The following STAT2 variants were observed in gnomAD, a reference collection of about 807,000 sequenced individuals.
STAT2 encodes the protein signal transducer and activator of transcription 2, also known as interferon alpha induced transcriptional activator.
In STAT2, 51 loss-of-function variants were observed where a neutral mutation model predicts 122.3. That is an observed-to-expected ratio of 0.42 (90% CI 0.33 to 0.53). The LOEUF is 0.53. Among genes scored for constraint, STAT2 ranks in the 20% least tolerant of loss-of-function variants. The pLI, the probability that STAT2 is intolerant of heterozygous loss-of-function variation, is 0.10. For synonymous variants in STAT2, 351 were observed against 394.9 expected (o/e 0.89, Z 1.32); for missense variants, 736 against 1,010.3 (o/e 0.73, Z 3.68).
Position 56,343,480 on chromosome 12 carries a change from A to G in STAT2, c.2465T>C (p.Leu822Pro), listed in dbSNP as rs1876874430. 4.3e-6 allele frequency: 7 copies of G among 1,614,214 alleles called. No homozygotes were observed. The highest frequency in any genetic ancestry group is 5.9e-6 in the Non-Finnish European group (7 of 1,180,030). Residue 822 changes from leucine to proline, a missense_variant, in exon 24 of 24, where the codon CTG becomes CCG. Coordinates refer to ENST00000314128, the MANE Select transcript of STAT2 (RefSeq NM_005419.4). Reference protein sequence around the residue: ...IEEIMPNGDPLLAGQNTVDEV... With the variant: ...IEEIMPNGDPPLAGQNTVDEV... ...ATCCACGGTGTTCTGGCCAGCCAAC[A>G]GTGGGTCACCATTCGGCATGATTTC...
Position 56,348,545 on chromosome 12 carries a change from C to T in STAT2, c.1708G>A (p.Asp570Asn), listed in dbSNP as rs1054332968. Residue 570 changes from aspartate (D) to asparagine (N), a missense_variant, in exon 19 of 24, where the codon GAT becomes AAT. Asp to Asn is a conservative substitution (Grantham distance 23, BLOSUM62 1). Coordinates refer to ENST00000314128, the MANE Select transcript of STAT2 (RefSeq NM_005419.4). ...AGGCCTTACCCATCATTCCAGAGAT[C>T]CTTCAGGTGGTCATGTACCAACTCC... Reference protein sequence around the residue: ...ILELVHDHLKDLWNDGRIMGF... With the variant: ...ILELVHDHLKNLWNDGRIMGF... 1 of 1,614,148 alleles carries T rather than the reference C, an allele frequency of 6.2e-7. No homozygotes were observed.
At chr12:56,347,169 A>C (rs1381622881) in intron 19 of STAT2, among the ~76,000 whole-genome samples, 1 of 152,020 alleles carries the variant, frequency 6.6e-6, no homozygotes, top group Non-Finnish European at 1.5e-5. Flanking sequence ...AGATTCAGTG[A>C]GATCACACAG....
intron 22 of STAT2, 87 bp from the exon 23 acceptor site, chr12:56,344,222 AAGG>A: frequency 6.8e-7 from 1 of 1,472,050 alleles, no homozygotes; most frequent in Non-Finnish European, 9.0e-7. Context: ...CTAGTCTAAG[AAGG>A]CAGTAGGGCG....
Position 56,356,148 on chromosome 12 carries a change from A to G in STAT2, c.269T>C (p.Phe90Ser), listed in dbSNP as rs189335310. 9.3e-6 allele frequency: 15 copies of G among 1,614,120 alleles called. No homozygotes were observed. In the East Asian group the frequency reaches 3.3e-4, roughly 36 times the overall value. ...SLLLQHNLRK[F>S]CRDIQPFSQD... ...TCCAAGTACCTGAATGTCCCGGCAG[A>G]ATTTCCGCAAATTGTGCTGCAGCAA... is the stretch of plus-strand genomic sequence containing the variant. The change falls in exon 3 of 24, where the codon TTC becomes TCC. Residue 90 changes from phenylalanine (F) to serine (S), a missense_variant. Phe to Ser is a radical substitution (Grantham distance 155). Coordinates refer to ENST00000314128, the MANE Select transcript of STAT2 (RefSeq NM_005419.4).
rs889978964 is a variant in STAT2 at position 56,343,103 on chromosome 12, C to G, written c.*286G>C. 9.2e-6 allele frequency: 3 copies of G among 327,522 alleles called. No individual in the cohort carries two copies. The highest frequency in any genetic ancestry group is 1.7e-5 in the Non-Finnish European group (3 of 178,816). The allele number at this position is 327,522 out of a possible 1,614,324, so 20.3% of individuals were successfully genotyped here. A position where few individuals can be genotyped will look rare whatever the true frequency, so the allele number is the denominator to read the frequency against. The stretch of plus-strand genomic sequence containing the variant: ...CCTGAGCCCTCCAAGTACCTGTCAA[C>G]TGCCCTGGCCTGCCCCCAGGACCCC... On this transcript the variant is annotated 3_prime_UTR_variant, in exon 24 of 24. Coordinates refer to ENST00000314128, the MANE Select transcript of STAT2 (RefSeq NM_005419.4).
chr12:56,343,930 C>T lies in STAT2; in HGVS notation c.2308G>A (p.Val770Ile). 6.2e-7 allele frequency: 1 copy of T among 1,614,146 alleles called. No individual in the cohort carries two copies. The highest frequency in any genetic ancestry group is 8.5e-7 in the Non-Finnish European group (1 of 1,180,020). Residue 770 changes from valine to isoleucine, a missense_variant, in exon 23 of 24, where the codon GTA (valine) becomes ATA (isoleucine). Val to Ile is a conservative substitution (Grantham distance 29). Transcript: ENST00000314128. ...EPVIEPTLCM[V>I]SQTVPEPDQG... ...TCTGGCTCTGGCACTGTTTGTGATACCATGCATAGTGTGGGCTCTATCACA... is the reference window on the plus strand; with the variant it reads ...TCTGGCTCTGGCACTGTTTGTGATATCATGCATAGTGTGGGCTCTATCACA...
At position 56,345,518 on chromosome 12, in the gene STAT2, A is replaced by ATATATATATATATAT. The variant is rs1302088781; in HGVS notation, c.2102+627_2102+628insATATATATATATATA. ...CTCAAAAAAAAAAAAAAAAAAAAAAAAAAAAAATATATATATATGCGGGGT... is the reference window on the plus strand; with the variant it reads ...CTCAAAAAAAAAAAAAAAAAAAAAAATATATATATATATATAAAAAAATATATATATATGCGGGGT... On this transcript the variant is annotated intron_variant, in intron 22 of 23. Coordinates refer to ENST00000314128, the MANE Select transcript of STAT2 (RefSeq NM_005419.4). Among the ~76,000 whole-genome samples, 21 of 25,424 alleles carry ATATATATATATATAT rather than the reference A, an allele frequency of 8.3e-4. 1 individual carries two copies. In the African/African-American group the frequency reaches 0.01, roughly 12 times the overall value. 16.7% of individuals were successfully genotyped at this position (25,424 alleles called of 152,430 possible).
At position 56,345,007 on chromosome 12, in the gene STAT2, C is replaced by CA. The variant is rs111914426; in HGVS notation, c.2103-873dup. ...TGGGCAACAGGGCGAGACTCTGTCT[C>CA]AAAAAAAAAACAAAAATTAACCAGG... On this transcript the variant is annotated intron_variant, in intron 22 of 23. Coordinates refer to ENST00000314128, the MANE Select transcript of STAT2 (RefSeq NM_005419.4). 5.2e-4 allele frequency among the ~76,000 whole-genome samples: 65 copies of CA among 125,656 alleles called. 3 individuals carry two copies. The East Asian group carries it at 5.5e-3, about 11-fold the overall frequency. 82.4% of individuals were successfully genotyped at this position (125,656 alleles called of 152,430 possible). A position where few individuals can be genotyped will look rare whatever the true frequency, so the allele number is the denominator to read the frequency against.
chr12:56,349,932 T>C, intron 13 of STAT2, 165 bp downstream of exon 13: 1 of 684,320 alleles, frequency 1.5e-6, no homozygotes. Context: ...GCCTATAGTC[T>C]CAGCTACTCA....
At chr12:56,350,799 C>T (rs773667387) in intron 11 of STAT2, 30 bp downstream of exon 11, 69 of 1,613,096 alleles carry the variant, frequency 4.3e-5, no homozygotes, top group Non-Finnish European at 5.4e-5. Context: ...CAGCCCGTGT[C>T]CTGGCCACCC....
In STAT2 at chr12:56,351,082, G is replaced by A. The variant is rs952626289; in HGVS notation, c.1034+16C>T. 1.2e-6 allele frequency: 2 copies of A among 1,612,466 alleles called. No homozygotes were observed. The highest frequency in any genetic ancestry group is 1.7e-6 in the Non-Finnish European group (2 of 1,178,912). On this transcript the variant is annotated intron_variant, in intron 10 of 23. Coordinates refer to ENST00000314128, the MANE Select transcript of STAT2 (RefSeq NM_005419.4). ...GGTTGGAAAAAGGAAGTGGGAATGA[G>A]TTCTGGAATGCCAACCTTGTTCGGA...
rs773327366 is a variant in STAT2, at chr12:56,349,249, G to C, written c.1354C>G (p.Pro452Ala). ...TTCATGTTGGAAATAATCACCACAGGGAGGGTGTCCGTCTGGGGAGAAGAC... is the reference window on the plus strand; with the variant it reads ...TTCATGTTGGAAATAATCACCACAGCGAGGGTGTCCGTCTGGGGAGAAGAC... ...LKQELKTDTL[P>A]VVIISNMNQL... The change falls in exon 16 of 24, where the codon CCT (proline) becomes GCT (alanine). Residue 452 changes from proline to alanine, a missense_variant. Coordinates refer to ENST00000314128, the MANE Select transcript of STAT2 (RefSeq NM_005419.4). 6.2e-7 allele frequency: 1 copy of C among 1,614,208 alleles called. No individual in the cohort carries two copies. Among genetic ancestry groups the C allele is most frequent in the East Asian group, 2.2e-5 (1 of 44,886 alleles).
At chr12:56,346,653 C>G in intron 20 of STAT2, 29 bp from the exon 21 acceptor site, 1 of 1,612,312 alleles carries the variant, frequency 6.2e-7, no homozygotes, top group Non-Finnish European at 8.5e-7. Flanking sequence ...AACAGGCGGG[C>G]TTGAGGGAAG....
chr12:56,354,316 G>A (rs1212959310), intron 8 of STAT2, 150 bp downstream of exon 8: 7 of 1,208,152 alleles, frequency 5.8e-6, no homozygotes, highest in Admixed American at 4.8e-5. Flanking sequence ...TGAGGATGAG[G>A]AGCAGAATAG....
Position 56,356,597 on chromosome 12 carries a change from G to T in STAT2, c.-7-19C>A, listed in dbSNP as rs780997365. On this transcript the variant is annotated intron_variant, in intron 1 of 23. Coordinates refer to ENST00000314128, the MANE Select transcript of STAT2 (RefSeq NM_005419.4). ...TTGGGCTCTGCGTCAGAAGGATGAG[G>T]GTTCCCAATTGGATATTTTGCTGGA... 5 of 1,612,378 alleles carry T rather than the reference G, an allele frequency of 3.1e-6. No individual in the cohort carries two copies. The highest frequency in any genetic ancestry group is 1.7e-6 in the Non-Finnish European group (2 of 1,179,146).
rs553866595 is a variant in STAT2 at position 56,357,825 on chromosome 12, C to T, written c.-7-1247G>A. ...CTCTCAGGTTCAAGCCATTCTCTGC[C>T]TCAGCCCCTCAAGGAGCTGGGACTA... On this transcript the variant is annotated intron_variant, in intron 1 of 23. Transcript: ENST00000314128. Among the ~76,000 whole-genome samples, 329 of 151,932 alleles carry T rather than the reference C, an allele frequency of 2.2e-3. 2 individuals are homozygous for T. Among genetic ancestry groups the T allele is most frequent in the Non-Finnish European group, 3.6e-3 (247 of 67,976 alleles).
chr12:56,350,349 C>A, intron 12 of STAT2, 63 bp downstream of exon 12: 1 of 1,529,252 alleles, frequency 6.5e-7, no homozygotes, highest in South Asian at 1.2e-5. Context: ...CCAGGGCTGC[C>A]GAATGTGGTT....
In STAT2 at chr12:56,355,433, A is replaced by G; in HGVS notation, c.471+10T>C. ...CGCTGTCAACCCTAACTCCTACCAC[A>G]TCTACTAACCTCCATCATAGCCCTT... On this transcript the variant is annotated intron_variant, in intron 5 of 23. Transcript: ENST00000314128. 2 of 1,614,158 alleles carry G rather than the reference A, an allele frequency of 1.2e-6. No individual in the cohort carries two copies. The highest frequency in any genetic ancestry group is 1.7e-6 in the Non-Finnish European group (2 of 1,180,024).
chr12:56,349,483 C>T lies in STAT2; in HGVS notation c.1284G>A (p.Leu428=). ...ATTTGACCGTGAAGCTGATGATGTG[C>T]AGTTCCTCTGTCACACCTAGTGGCC... is the stretch of plus-strand genomic sequence containing the variant. ...NKGPLGVTEE[L]HIISFTVKYT... is the part of the protein sequence containing the mutation. Residue 428 remains leucine (L), a synonymous_variant, in exon 15 of 24, where the codon CTG becomes CTA. Transcript: ENST00000314128. 1 of 1,614,220 alleles carries T rather than the reference C, an allele frequency of 6.2e-7. No individual in the cohort carries two copies.
Sources: allele counts gnomAD v4.1 joint callset (sites outside exome capture counted in the v4.1 genomes callset), GRCh38; gene constraint gnomAD v4.1.1; transcripts MANE v1.5; gene names NCBI Gene and HGNC (gene_info 2026-07-23, HGNC 2026-07-21).